DIAPH3: variants seen among roughly 807,000 people sequenced by gnomAD.
DIAPH3 encodes the protein diaphanous related formin 3.
In DIAPH3, 117 loss-of-function variants were observed where a neutral mutation model predicts 144.3. The ratio of observed to expected loss-of-function variants is 0.81; its 90% confidence interval spans 0.70 to 0.95. The LOEUF (loss-of-function observed/expected upper bound fraction) is 0.95, where lower values mean the gene tolerates loss of function less well. DIAPH3 is among the 40% of genes least tolerant of loss of function. DIAPH3 has a pLI of 0.00. For synonymous variants in DIAPH3, 519 were observed against 488.9 expected, an observed-to-expected ratio of 1.06 and a Z score of -0.81; for missense variants, 1,421 against 1,412.7, an observed-to-expected ratio of 1.01 and a Z score of -0.09.
chr13:59,814,893 C>T (rs895476439), intron 24 of DIAPH3, among the ~76,000 whole-genome samples: 4 of 152,210 alleles, frequency 2.6e-5, no homozygotes. Context: ...TTCTATAAGT[C>T]TGACTTTTTT....
At chr13:60,146,772 T>C (rs1475172266) in intron 1 of DIAPH3, among the ~76,000 whole-genome samples, 2 of 152,188 alleles carry the variant, frequency 1.3e-5, no homozygotes, top group East Asian at 1.9e-4. Flanking sequence ...TAGTTTTAGG[T>C]TGATTATCGC....
intron 4 of DIAPH3, among the ~76,000 whole-genome samples, chr13:60,065,105 TACAA>T (rs2056905627): frequency 6.6e-6 from 1 of 151,922 alleles, no homozygotes; most frequent in African/African-American, 2.4e-5. Context: ...ATAACAGATA[TACAA>T]ACAAATAATG....
intron 27 of DIAPH3, among the ~76,000 whole-genome samples, chr13:59,729,810 A>ATTTTTTTTTT (rs59987412): frequency 4.5e-4 from 60 of 134,198 alleles, no homozygotes; most frequent in East Asian, 1.8e-3. Context: ...ATACATTAAT[A>ATTTTTTTTTT]TTTTTTTTTT....
At chr13:59,811,437 T>C (rs2040466441) in intron 24 of DIAPH3, among the ~76,000 whole-genome samples, 1 of 151,894 alleles carries the variant, frequency 6.6e-6, no homozygotes, top group Non-Finnish European at 1.5e-5. Context: ...GTCGTAAAGG[T>C]AACTAAAGAA....
chr13:60,039,203 A>G (rs1950610647), intron 5 of DIAPH3, among the ~76,000 whole-genome samples: 1 of 152,162 alleles, frequency 6.6e-6, no homozygotes, highest in Non-Finnish European at 1.5e-5. Context: ...ATTGCTAGGC[A>G]GTTTCAGAAG....
intron 5 of DIAPH3, chr13:60,034,399 C>T (rs2055042255): frequency 6.6e-6 from 1 of 151,920 alleles, no homozygotes; most frequent in African/African-American, 2.4e-5. Flanking sequence ...CTGTTGTTGT[C>T]TTTTAAACAG....
chr13:60,062,394 T>C lies in DIAPH3; in HGVS notation c.496-19574A>G, dbSNP rs570782363. ...ATTCCTGTTGAGCTCTGGAAATACA[T>C]GCTTGGGAATTTTACCAATTTACTG... On this transcript the variant is annotated intron_variant, in intron 4 of 27. Coordinates refer to ENST00000400324, the MANE Select transcript of DIAPH3 (RefSeq NM_001042517.2). Among the ~76,000 whole-genome samples, 43 of 152,284 alleles carry C rather than the reference T, an allele frequency of 2.8e-4. No homozygotes were observed. In the South Asian group the frequency reaches 8.7e-3, roughly 31 times the overall value.
At chr13:59,954,697 G>A (rs61152096) in intron 17 of DIAPH3, among the ~76,000 whole-genome samples, 5,573 of 152,174 alleles carry the variant, frequency 0.037, 135 homozygotes, top group East Asian at 0.075. Context: ...GCTGTAGAGA[G>A]GGCATGACTG....
chr13:59,713,907 A>G (rs35166629), intron 27 of DIAPH3, among the ~76,000 whole-genome samples: 2,572 of 152,280 alleles, frequency 0.017, 44 homozygotes, highest in Admixed American at 0.049. Context: ...AGCAAAAAGG[A>G]AAATTAAGAG....
At chr13:59,946,849 C>T (rs936663319) in intron 17 of DIAPH3, among the ~76,000 whole-genome samples, 4 of 152,012 alleles carry the variant, frequency 2.6e-5, no homozygotes, top group South Asian at 4.2e-4. Flanking sequence ...AAATCTGGTA[C>T]GATAAGGGAA....
chr13:59,865,117 C>T (rs1243318695), intron 21 of DIAPH3, among the ~76,000 whole-genome samples: 1 of 151,978 alleles, frequency 6.6e-6, no homozygotes, highest in African/African-American at 2.4e-5. Context: ...CCAAGATACT[C>T]TTCCTGCCTC....
rs1298424275 is a variant in DIAPH3 at position 60,112,144 on chromosome 13, C to T, written c.256G>A (p.Glu86Lys). ...TTCAGGTTGGGAAGTGGAGGTCTCT[C>T]TTTCTTGCTCCCTGGAATTCTTATG... ...ASIRIPGSKK[E>K]RPPLPNLKTA... is the part of the protein sequence containing the mutation. The change falls in exon 3 of 28, where the codon GAG becomes AAG. Residue 86 changes from glutamate to lysine, a missense_variant. Glu to Lys is a moderately conservative substitution (Grantham distance 56, BLOSUM62 1). Coordinates refer to ENST00000400324, the MANE Select transcript of DIAPH3 (RefSeq NM_001042517.2). 29 of 1,614,064 alleles carry T rather than the reference C, an allele frequency of 1.8e-5. No individual in the cohort carries two copies. The highest frequency in any genetic ancestry group is 2.5e-5 in the Non-Finnish European group (29 of 1,180,010).
At position 59,810,885 on chromosome 13, in the gene DIAPH3, C is replaced by T. The variant is rs773270518; in HGVS notation, c.3066G>A (p.Glu1022=). ...IKENIKKREA[E]EKEKRVRIAK... is the part of the protein sequence containing the mutation. ...CTATTCTGACACGTTTTTCTTTTTC[C>T]TCTGCTTCTCTTTTTTTGATATTCT... is the stretch of plus-strand genomic sequence containing the variant. Residue 1022 remains glutamate, a synonymous_variant, in exon 25 of 28, where the codon GAG becomes GAA. Coordinates refer to ENST00000400324, the MANE Select transcript of DIAPH3 (RefSeq NM_001042517.2). 37 of 1,609,426 alleles carry T rather than the reference C, an allele frequency of 2.3e-5. No individual in the cohort carries two copies. In the Middle Eastern group the frequency reaches 3.0e-3, roughly 129 times the overall value.
chr13:59,792,218 A>G (rs894318424), intron 25 of DIAPH3, among the ~76,000 whole-genome samples: 3 of 152,062 alleles, frequency 2.0e-5, no homozygotes, highest in Non-Finnish European at 4.4e-5. Context: ...CAGGTGGAGG[A>G]CATGGGAATG....
At chr13:59,978,629 T>TA (rs937137240) in intron 14 of DIAPH3, among the ~76,000 whole-genome samples, 1 of 151,838 alleles carries the variant, frequency 6.6e-6, no homozygotes, top group Non-Finnish European at 1.5e-5. Context: ...TCCTCGCCTA[T>TA]AAAAAGATAG....
chr13:59,978,986 C>A (rs1431778267), intron 14 of DIAPH3, among the ~76,000 whole-genome samples: 1 of 151,620 alleles, frequency 6.6e-6, no homozygotes, highest in Non-Finnish European at 1.5e-5. Flanking sequence ...TGTCTAGCAA[C>A]CATGATAGCT....
chr13:59,971,056 T>G lies in DIAPH3; in HGVS notation c.1755A>C (p.Gly585=). ...GGGGAGGAGGTGGAGGCGGCACCCC[T>G]CCACCAGAAGGCAGTGGAGGCGGAG... ...LPPPPPLPSG[G]GVPPPPPPPP... is the part of the protein sequence containing the mutation. The change falls in exon 16 of 28, where the codon GGA becomes GGC. Residue 585 remains glycine, a synonymous_variant. Transcript: ENST00000400324. 6.2e-7 allele frequency: 1 copy of G among 1,613,366 alleles called. No homozygotes were observed. Among genetic ancestry groups the G allele is most frequent in the Non-Finnish European group, 8.5e-7 (1 of 1,179,818 alleles).
Position 59,767,325 on chromosome 13 carries a change from G to C in DIAPH3, c.3319+6864C>G, listed in dbSNP as rs139239911. 1.3e-3 allele frequency among the ~76,000 whole-genome samples: 191 copies of C among 152,234 alleles called. 1 individual carries two copies. Among genetic ancestry groups the C allele is most frequent in the African/African-American group, 4.4e-3 (182 of 41,550 alleles). ...AAACAATTATTAATATCATAGAAATGGCTTCCCTTTTAAGTAATGCAAAAT... is the reference window on the plus strand; with the variant it reads ...AAACAATTATTAATATCATAGAAATCGCTTCCCTTTTAAGTAATGCAAAAT... On this transcript the variant is annotated intron_variant, in intron 27 of 27. Transcript: ENST00000400324.
rs1165335169 is a variant in DIAPH3, at chr13:59,728,056, GACAGGGCATCAAAAAAAAAA to G, written c.3319+46113_3319+46132del. Among the ~76,000 whole-genome samples, 322 of 85,830 alleles carry G rather than the reference GACAGGGCATCAAAAAAAAAA, an allele frequency of 3.8e-3. 1 individual carries two copies. Among genetic ancestry groups the G allele is most frequent in the Admixed American group, 0.012 (79 of 6,456 alleles). 56.3% of individuals were successfully genotyped at this position (85,830 alleles called of 152,430 possible). A position where few individuals can be genotyped will look rare whatever the true frequency, so the allele number is the denominator to read the frequency against. On this transcript the variant is annotated intron_variant, in intron 27 of 27. Transcript: ENST00000400324. ...AAGAAAGTCCTTACTAGACCAGTCT[GACAGGGCATCAAAAAAAAAA>G]ACAGGGCATCAAAAAAAACAAATAA...
Sources: gnomAD v4.1 joint callset for allele counts (sites outside exome capture counted in the v4.1 genomes callset) on GRCh38, gnomAD v4.1.1 for gene constraint, MANE v1.5 for transcripts, NCBI Gene and HGNC (gene_info 2026-07-23, HGNC 2026-07-21) for gene names.